CCDC7: variants seen among roughly 807,000 people sequenced by gnomAD.
CCDC7 encodes the protein coiled-coil domain containing 7.
In CCDC7, 183 loss-of-function variants were observed where a neutral mutation model predicts 196.9. The observed-to-expected ratio is 0.93, with a 90% CI of 0.82 to 1.05. The LOEUF (loss-of-function observed/expected upper bound fraction) is 1.05. CCDC7 is among the 50% of genes least tolerant of loss of function. CCDC7 has a pLI of 0.00. For missense variants in CCDC7, 1,540 were observed against 1,482.2 expected, an observed-to-expected ratio of 1.04 and a Z score of -0.64; for synonymous variants, 525 against 484.6, an observed-to-expected ratio of 1.08 and a Z score of -1.10.
At chr10:32,655,541 T>C (rs1291533011) in intron 20 of CCDC7, among the ~76,000 whole-genome samples, 2 of 152,170 alleles carry the variant, frequency 1.3e-5, no homozygotes, top group Non-Finnish European at 2.9e-5. Flanking sequence ...TTGTTTGTTT[T>C]TGAGAGACAG....
intron 28 of CCDC7, among the ~76,000 whole-genome samples, chr10:32,776,898 T>G (rs890241676): frequency 6.9e-6 from 1 of 145,766 alleles, no homozygotes; most frequent in Non-Finnish European, 1.5e-5. Flanking sequence ...CTATGTGTAC[T>G]TTTTTTTTAC....
At chr10:32,707,229 G>A (rs192210209) in intron 24 of CCDC7, among the ~76,000 whole-genome samples, 137 of 151,892 alleles carry the variant, frequency 9.0e-4, no homozygotes, top group African/African-American at 3.0e-3. Context: ...CCACATGATT[G>A]TGTCAATAGA....
At chr10:32,611,372 C>T (rs551810644) in intron 18 of CCDC7, among the ~76,000 whole-genome samples, 2 of 152,242 alleles carry the variant, frequency 1.3e-5, no homozygotes, top group East Asian at 3.9e-4. Flanking sequence ...CTGTAGATTG[C>T]CTGTTCACTC....
At chr10:32,671,632 C>T (rs1372008697) in intron 21 of CCDC7, among the ~76,000 whole-genome samples, 2 of 152,096 alleles carry the variant, frequency 1.3e-5, no homozygotes, top group Admixed American at 6.6e-5. Context: ...TTGGTCATGT[C>T]GTATCTTTAG....
intron 28 of CCDC7, among the ~76,000 whole-genome samples, chr10:32,763,714 G>T (rs1271745593): frequency 6.6e-6 from 1 of 151,592 alleles, no homozygotes; most frequent in Non-Finnish European, 1.5e-5. Flanking sequence ...AGTGAAATAA[G>T]CCAGGCACAT....
At chr10:32,553,108 T>TC (rs1298050862) in intron 13 of CCDC7, among the ~76,000 whole-genome samples, 1 of 141,106 alleles carries the variant, frequency 7.1e-6, no homozygotes, top group African/African-American at 3.0e-5. Flanking sequence ...GGAGTCTTTT[T>TC]TTTTTTTTTT....
chr10:32,506,794 G>T (rs2045246994), intron 9 of CCDC7, among the ~76,000 whole-genome samples: 1 of 152,212 alleles, frequency 6.6e-6, no homozygotes. Flanking sequence ...GGAGGTTGCA[G>T]CAAGCCGAGA....
intron 28 of CCDC7, among the ~76,000 whole-genome samples, chr10:32,731,360 G>T (rs1423467201): frequency 6.6e-6 from 1 of 151,966 alleles, no homozygotes; most frequent in Non-Finnish European, 1.5e-5. Flanking sequence ...TCTATTCCTA[G>T]AATATGTAAA....
intron 20 of CCDC7, among the ~76,000 whole-genome samples, chr10:32,646,112 G>A (rs1377577363): frequency 2.0e-5 from 3 of 148,608 alleles, no homozygotes; most frequent in Non-Finnish European, 4.5e-5. Flanking sequence ...GAGGAGTAAT[G>A]TTAGGTTGTT....
At chr10:32,545,897 C>T (rs2052363241) in intron 13 of CCDC7, among the ~76,000 whole-genome samples, 1 of 96,700 alleles carries the variant, frequency 1.0e-5, no homozygotes, top group Admixed American at 1.5e-4. Context: ...CAGAGCAAAA[C>T]TCCGTCTCAA....
intron 13 of CCDC7, chr10:32,544,562 A>G: frequency 4.1e-6 from 1 of 245,394 alleles, no homozygotes; most frequent in East Asian, 7.3e-5. Flanking sequence ...CATGGTTTAA[A>G]CAACTACAGG....
chr10:32,881,384 T>C (rs1185287285), downstream of CCDC7, among the ~76,000 whole-genome samples: 1 of 152,120 alleles, frequency 6.6e-6, no homozygotes, highest in East Asian at 1.9e-4. Context: ...TTAAAGGATA[T>C]AGGATATGAA....
chr10:32,726,093 A>G (rs2083081356), intron 25 of CCDC7, among the ~76,000 whole-genome samples: 1 of 152,014 alleles, frequency 6.6e-6, no homozygotes, highest in African/African-American at 2.4e-5. Context: ...TCTCATTTTG[A>G]AAAGGTTAAT....
chr10:32,771,409 T>G (rs966481160), intron 28 of CCDC7, among the ~76,000 whole-genome samples: 2 of 152,230 alleles, frequency 1.3e-5, no homozygotes, highest in Non-Finnish European at 2.9e-5. Flanking sequence ...GATACAGTAT[T>G]CTTGGTTGAC....
At chr10:32,486,706 G>A (rs1183471815) in intron 8 of CCDC7, among the ~76,000 whole-genome samples, 1 of 128,606 alleles carries the variant, frequency 7.8e-6, no homozygotes, top group Non-Finnish European at 1.6e-5. Context: ...AAATCTCTCA[G>A]CATTTGCTTG....
chr10:32,702,332 G>C (rs1029497282), intron 24 of CCDC7, among the ~76,000 whole-genome samples: 1 of 152,164 alleles, frequency 6.6e-6, no homozygotes, highest in Non-Finnish European at 1.5e-5. Context: ...GAGCGGTTTT[G>C]AGTGACTTTC....
chr10:32,832,734 A>G (rs756426928), intron 32 of CCDC7, among the ~76,000 whole-genome samples: 2 of 152,128 alleles, frequency 1.3e-5, no homozygotes, highest in Non-Finnish European at 2.9e-5. Flanking sequence ...TTTTCAACAA[A>G]AGCATTAGTG....
At chr10:32,612,135 A>G (rs2062218067) in intron 18 of CCDC7, among the ~76,000 whole-genome samples, 1 of 152,142 alleles carries the variant, frequency 6.6e-6, no homozygotes, top group African/African-American at 2.4e-5. Flanking sequence ...GGTCCGTCAC[A>G]TCCCTTGTAA....
At chr10:32,546,423 G>A (rs1486632729) in intron 13 of CCDC7, among the ~76,000 whole-genome samples, 1 of 152,164 alleles carries the variant, frequency 6.6e-6, no homozygotes, top group South Asian at 2.1e-4. Flanking sequence ...TTTATCTAAC[G>A]ATTATTTCCC....
Sources: gnomAD v4.1 joint callset for allele counts (sites outside exome capture counted in the v4.1 genomes callset) on GRCh38, gnomAD v4.1.1 for gene constraint, MANE v1.5 for transcripts, NCBI Gene and HGNC (gene_info 2026-07-23, HGNC 2026-07-21) for gene names.